The following CTNNA3 variants were observed in gnomAD, a reference collection of about 807,000 sequenced individuals.
CTNNA3 encodes the protein catenin alpha-3.
CTNNA3 carries 76 observed loss-of-function variants against 95.7 expected under a neutral mutation model. The observed-to-expected ratio is 0.79, with a 90% CI of 0.66 to 0.96. The LOEUF is 0.96. Ranked by LOEUF, CTNNA3 falls within the 40% of genes least tolerant of loss-of-function variation. CTNNA3 has a pLI of 0.00. For synonymous variants in CTNNA3, 431 were observed against 374.4 expected, an observed-to-expected ratio of 1.15 and a Z score of -1.74; for missense variants, 1,191 against 1,089.8, an observed-to-expected ratio of 1.09 and a Z score of -1.31.
chr10:65,996,810 GT>G (rs951434388), intron 15 of CTNNA3, among the ~76,000 whole-genome samples: 3 of 151,930 alleles, frequency 2.0e-5, no homozygotes, highest in Non-Finnish European at 2.9e-5. Flanking sequence ...TTACTTCCCT[GT>G]TTTTTTTCTT....
At chr10:65,921,508 G>A (rs906895682) in intron 17 of CTNNA3, among the ~76,000 whole-genome samples, 1 of 152,188 alleles carries the variant, frequency 6.6e-6, no homozygotes, top group Non-Finnish European at 1.5e-5. Context: ...CTTTCTACTC[G>A]TAGGACACTA....
At chr10:66,023,452 C>T (rs2079264274) in intron 15 of CTNNA3, among the ~76,000 whole-genome samples, 1 of 152,112 alleles carries the variant, frequency 6.6e-6, no homozygotes, top group African/African-American at 2.4e-5. Flanking sequence ...AGAATGTTGA[C>T]TCATATTTAC....
intron 1 of CTNNA3, among the ~76,000 whole-genome samples, chr10:67,736,480 G>C (rs891425025): frequency 7.1e-6 from 1 of 141,780 alleles, no homozygotes; most frequent in Admixed American, 7.1e-5. Context: ...TTTTGAGACG[G>C]AGTCTCTCTC....
At chr10:66,702,641 G>T (rs1300981137) in intron 9 of CTNNA3, among the ~76,000 whole-genome samples, 1 of 149,924 alleles carries the variant, frequency 6.7e-6, no homozygotes, top group Admixed American at 6.7e-5. Flanking sequence ...GGAAGGTGGT[G>T]GTTGCAGTGA....
intron 15 of CTNNA3, among the ~76,000 whole-genome samples, chr10:66,048,279 A>C (rs2079872661): frequency 1.3e-5 from 2 of 152,172 alleles, no homozygotes; most frequent in African/African-American, 4.8e-5. Flanking sequence ...GAAACCGACA[A>C]ATAGACCAAT....
chr10:67,553,666 A>C (rs538223450), intron 3 of CTNNA3, among the ~76,000 whole-genome samples: 16 of 152,314 alleles, frequency 1.1e-4, no homozygotes, highest in African/African-American at 3.8e-4. Context: ...AGAGATATAC[A>C]AAAAAAGAAA....
At chr10:67,470,887 CCT>C (rs1448615028) in intron 5 of CTNNA3, among the ~76,000 whole-genome samples, 1 of 152,110 alleles carries the variant, frequency 6.6e-6, no homozygotes, top group Non-Finnish European at 1.5e-5. Context: ...ATAAAGTGAT[CCT>C]CTCACCTCAA....
intron 12 of CTNNA3, among the ~76,000 whole-genome samples, chr10:66,325,773 A>T (rs1342283306): frequency 6.6e-6 from 1 of 152,102 alleles, no homozygotes; most frequent in Non-Finnish European, 1.5e-5. Context: ...CTAGGACTGA[A>T]AATTGTCTGT....
At chr10:67,226,014 T>G (rs140992444) in intron 5 of CTNNA3, among the ~76,000 whole-genome samples, 1 of 152,024 alleles carries the variant, frequency 6.6e-6, no homozygotes, top group South Asian at 2.1e-4. Context: ...AGGAGATAGA[T>G]AGCTTAAAGA....
intron 3 of CTNNA3, among the ~76,000 whole-genome samples, chr10:67,560,938 C>T (rs892612313): frequency 2.0e-5 from 3 of 152,162 alleles, no homozygotes; most frequent in African/African-American, 7.2e-5. Flanking sequence ...GAAGAGCTAA[C>T]TATCCTAAAT....
At chr10:67,223,713 T>C (rs1335682105) in intron 5 of CTNNA3, among the ~76,000 whole-genome samples, 2 of 152,210 alleles carry the variant, frequency 1.3e-5, no homozygotes, top group Non-Finnish European at 2.9e-5. Context: ...GTTAATTAAT[T>C]CAACCATTCC....
chr10:67,690,035 A>G (rs1217067914), intron 1 of CTNNA3, among the ~76,000 whole-genome samples: 3 of 151,968 alleles, frequency 2.0e-5, no homozygotes, highest in South Asian at 4.2e-4. Flanking sequence ...GAAGCCGCAG[A>G]CCCCACGGTG....
intron 9 of CTNNA3, among the ~76,000 whole-genome samples, chr10:66,640,063 A>T (rs1564586838): frequency 6.6e-6 from 1 of 152,206 alleles, no homozygotes; most frequent in Non-Finnish European, 1.5e-5. Context: ...TGCTTAATTA[A>T]AAGTTTTGGA....
At chr10:67,275,241 T>C (rs1395697747) in intron 5 of CTNNA3, among the ~76,000 whole-genome samples, 10 of 152,112 alleles carry the variant, frequency 6.6e-5, no homozygotes, top group Admixed American at 6.6e-4. Context: ...GATGAGCAAA[T>C]TGAGGCAGAA....
At chr10:67,133,321 A>T (rs1252544258) in intron 7 of CTNNA3, among the ~76,000 whole-genome samples, 1 of 87,244 alleles carries the variant, frequency 1.1e-5, no homozygotes, top group East Asian at 2.8e-4. Flanking sequence ...ATATATATAT[A>T]TATTTATACA....
At chr10:66,463,994 A>G (rs1011654218) in intron 11 of CTNNA3, among the ~76,000 whole-genome samples, 2 of 152,040 alleles carry the variant, frequency 1.3e-5, no homozygotes, top group East Asian at 1.9e-4. Context: ...CTCAGGTTCC[A>G]TCTACAAATT....
At chr10:67,738,219 C>A (rs1841314044) in intron 1 of CTNNA3, among the ~76,000 whole-genome samples, 1 of 152,186 alleles carries the variant, frequency 6.6e-6, no homozygotes, top group South Asian at 2.1e-4. Flanking sequence ...TGGGACAAAG[C>A]TTCCAGAGGA....
intron 2 of CTNNA3, among the ~76,000 whole-genome samples, chr10:67,613,121 C>G (rs985659517): frequency 3.3e-5 from 5 of 152,218 alleles, no homozygotes; most frequent in African/African-American, 1.2e-4. Context: ...TCTGTGGAAT[C>G]TGACCACAAA....
intron 9 of CTNNA3, among the ~76,000 whole-genome samples, chr10:66,753,641 A>G (rs942758707): frequency 1.3e-5 from 2 of 151,846 alleles, no homozygotes; most frequent in African/African-American, 4.8e-5. Flanking sequence ...TAGCCTCGGC[A>G]AAAAGAATGA....
Sources: gnomAD v4.1 joint callset for allele counts (sites outside exome capture counted in the v4.1 genomes callset) on GRCh38, gnomAD v4.1.1 for gene constraint, MANE v1.5 for transcripts, NCBI Gene and HGNC (gene_info 2026-07-23, HGNC 2026-07-21) for gene names.